The following CHCHD6 variants were observed in gnomAD, a reference collection of about 807,000 sequenced individuals.
CHCHD6 encodes coiled-coil-helix-coiled-coil-helix domain containing 6, also known as MICOS complex subunit MIC25.
Under a neutral mutation model 32.3 loss-of-function variants are expected in CHCHD6, and 28 were observed. The ratio of observed to expected loss-of-function variants is 0.87; its 90% confidence interval spans 0.64 to 1.19. The LOEUF is 1.19. Among genes scored for constraint, CHCHD6 ranks in the 50% most tolerant of loss-of-function variants. The pLI is 0.00. For missense variants in CHCHD6, 333 were observed against 307.0 expected, an observed-to-expected ratio of 1.08 and a Z score of -0.63; for synonymous variants, 122 against 117.5, an observed-to-expected ratio of 1.04 and a Z score of -0.25.
chr3:126,713,725 G>A (rs1320638264), intron 1 of CHCHD6, among the ~76,000 whole-genome samples: 4 of 152,182 alleles, frequency 2.6e-5, no homozygotes, highest in African/African-American at 7.2e-5. Flanking sequence ...CTAAGCCAGA[G>A]CTTGGCACAA....
intron 6 of CHCHD6, among the ~76,000 whole-genome samples, chr3:126,950,280 C>G (rs2078698658): frequency 1.3e-5 from 2 of 152,152 alleles, no homozygotes; most frequent in African/African-American, 4.8e-5. Flanking sequence ...ATAAAGGCTG[C>G]ACAGAGGCCT....
chr3:126,837,882 G>T (rs1940925671), intron 4 of CHCHD6, among the ~76,000 whole-genome samples: 1 of 152,194 alleles, frequency 6.6e-6, no homozygotes, highest in South Asian at 2.1e-4. Flanking sequence ...CTCCTTCCCT[G>T]CTGTCTTGTT....
At chr3:126,892,520 G>A (rs1012352554) in intron 5 of CHCHD6, among the ~76,000 whole-genome samples, 11 of 152,142 alleles carry the variant, frequency 7.2e-5, no homozygotes, top group East Asian at 3.8e-4. Flanking sequence ...CTGCTTCAGC[G>A]TTGGGCACCC....
At chr3:126,793,230 G>T (rs571378078) in intron 4 of CHCHD6, among the ~76,000 whole-genome samples, 43 of 152,038 alleles carry the variant, frequency 2.8e-4, no homozygotes, top group Non-Finnish European at 5.0e-4. Context: ...TTAATGATAT[G>T]TTAGGATTCA....
At chr3:126,812,706 A>G (rs1939717586) in intron 4 of CHCHD6, among the ~76,000 whole-genome samples, 1 of 151,892 alleles carries the variant, frequency 6.6e-6, no homozygotes, top group Non-Finnish European at 1.5e-5. Context: ...TGCTGGGATT[A>G]CAAGCATGAG....
In CHCHD6 at chr3:126,727,425, G is replaced by A. The variant is rs527449803; in HGVS notation, c.196+239G>A. 3.9e-5 allele frequency among the ~76,000 whole-genome samples: 6 copies of A among 152,342 alleles called. No individual in the cohort carries two copies. In the East Asian group the frequency reaches 5.8e-4, roughly 15 times the overall value. On this transcript the variant is annotated intron_variant, in intron 2 of 7. Transcript: ENST00000290913. ...CCCTCTGTGCCACTTTCTCCATGTG[G>A]GAATTGAGGCAGAAGGACCTGAGTT...
chr3:126,776,110 C>T (rs1937639184), intron 4 of CHCHD6, among the ~76,000 whole-genome samples: 2 of 152,182 alleles, frequency 1.3e-5, no homozygotes. Flanking sequence ...GAGTGGGAAA[C>T]ATGAATTGGC....
chr3:126,876,087 A>G (rs1214274398), intron 5 of CHCHD6, among the ~76,000 whole-genome samples: 1 of 152,244 alleles, frequency 6.6e-6, no homozygotes, highest in Non-Finnish European at 1.5e-5. Context: ...GCCTAGAATA[A>G]TGGCTAATAA....
chr3:126,775,620 C>A (rs993988600), intron 4 of CHCHD6, among the ~76,000 whole-genome samples: 41 of 152,178 alleles, frequency 2.7e-4, no homozygotes, highest in African/African-American at 7.5e-4. Flanking sequence ...CAGCTACCAC[C>A]AGCTGTAGGG....
chr3:126,956,221 A>G (rs1367455749), intron 6 of CHCHD6, among the ~76,000 whole-genome samples: 1 of 152,186 alleles, frequency 6.6e-6, no homozygotes, highest in Non-Finnish European at 1.5e-5. Context: ...AACTTGAGGA[A>G]TGGCTTTCTA....
intron 4 of CHCHD6, among the ~76,000 whole-genome samples, chr3:126,756,217 G>A (rs1485709780): frequency 6.6e-6 from 1 of 152,174 alleles, no homozygotes; most frequent in Non-Finnish European, 1.5e-5. Flanking sequence ...CTGGGGCTGG[G>A]GAAGGTAGAG....
At chr3:126,784,151 C>CAG (rs1938085311) in intron 4 of CHCHD6, among the ~76,000 whole-genome samples, 1 of 152,106 alleles carries the variant, frequency 6.6e-6, no homozygotes. Context: ...GAATCTATTT[C>CAG]ACACTCCCCA....
At chr3:126,708,651 A>G (rs543516809) in intron 1 of CHCHD6, among the ~76,000 whole-genome samples, 2,736 of 78,652 alleles carry the variant, frequency 0.035, 35 homozygotes, top group Non-Finnish European at 0.044. Context: ...CCATCTCTTG[A>G]AAAAAAAAAA....
At chr3:126,912,797 A>AG (rs2078110061) in intron 5 of CHCHD6, among the ~76,000 whole-genome samples, 1 of 152,220 alleles carries the variant, frequency 6.6e-6, no homozygotes, top group African/African-American at 2.4e-5. Flanking sequence ...GCCACGATGC[A>AG]GCAGGGGAGT....
At chr3:126,826,944 G>A (rs1940421766) in intron 4 of CHCHD6, among the ~76,000 whole-genome samples, 1 of 152,168 alleles carries the variant, frequency 6.6e-6, no homozygotes, top group Non-Finnish European at 1.5e-5. Context: ...AGGGAAGGCT[G>A]CCAGAGGAAA....
intron 4 of CHCHD6, among the ~76,000 whole-genome samples, chr3:126,793,248 C>T (rs1056526978): frequency 3.3e-5 from 5 of 151,918 alleles, no homozygotes; most frequent in Non-Finnish European, 7.4e-5. Context: ...TCAAGTTTGC[C>T]ATTTTACTTT....
At chr3:126,707,848 AC>A (rs760063107) in intron 1 of CHCHD6, among the ~76,000 whole-genome samples, 1 of 152,234 alleles carries the variant, frequency 6.6e-6, no homozygotes, top group Non-Finnish European at 1.5e-5. Flanking sequence ...TGCACCTGCA[AC>A]TGCCAGTTAT....
chr3:126,898,570 C>T (rs2077875250), intron 5 of CHCHD6, among the ~76,000 whole-genome samples: 3 of 152,214 alleles, frequency 2.0e-5, no homozygotes, highest in Admixed American at 1.3e-4. Flanking sequence ...GAGTTTCTCG[C>T]TCTTGTTCCC....
intron 6 of CHCHD6, chr3:126,935,149 G>C (rs2078460942): frequency 1.0e-6 from 1 of 987,686 alleles, no homozygotes; most frequent in Non-Finnish European, 1.2e-6. Flanking sequence ...GGGATGCTCA[G>C]CCAGTGCCTT....
Sources: gnomAD v4.1 joint callset for allele counts (sites outside exome capture counted in the v4.1 genomes callset) on GRCh38, gnomAD v4.1.1 for gene constraint, MANE v1.5 for transcripts, NCBI Gene and HGNC (gene_info 2026-07-23, HGNC 2026-07-21) for gene names.